The following RORA variants were observed in gnomAD, a reference collection of about 807,000 sequenced individuals.
RORA encodes the protein RAR related orphan receptor A, also known as nuclear receptor ROR-alpha.
Under a neutral mutation model 69.5 loss-of-function variants are expected in RORA, and 7 were observed. That is an observed-to-expected ratio of 0.10 (90% CI 0.06 to 0.19). The LOEUF is 0.19. Ranked by LOEUF, RORA falls within the 10% of genes least tolerant of loss-of-function variation. The pLI is 1.00. For missense variants in RORA, 457 were observed against 663.0 expected (o/e 0.69, Z 3.41); for synonymous variants, 261 against 240.8 (o/e 1.08, Z -0.78).
chr15:61,027,473 A>T (rs9944203), intron 1 of RORA, among the ~76,000 whole-genome samples: 228 of 152,252 alleles, frequency 1.5e-3, no homozygotes, highest in African/African-American at 5.1e-3. Context: ...GTGTCATTTG[A>T]TCCATAACTA....
intron 1 of RORA, among the ~76,000 whole-genome samples, chr15:60,697,082 G>A (rs1420377244): frequency 6.6e-6 from 1 of 152,140 alleles, no homozygotes; most frequent in Non-Finnish European, 1.5e-5. Flanking sequence ...GCAAAAATGC[G>A]GGCCTGGTTT....
intron 1 of RORA, among the ~76,000 whole-genome samples, chr15:61,067,351 G>A (rs1360918188): frequency 4.0e-5 from 6 of 151,756 alleles, no homozygotes; most frequent in Admixed American, 1.3e-4. Flanking sequence ...TGATCCGCCC[G>A]CCTCGGCCTC....
intron 1 of RORA, among the ~76,000 whole-genome samples, chr15:61,210,208 T>A (rs541989040): frequency 4.6e-5 from 7 of 152,300 alleles, no homozygotes; most frequent in Admixed American, 3.9e-4. Flanking sequence ...AAGCTCAGAA[T>A]TGAAGTATAC....
At chr15:60,655,609 G>A (rs1201092375) in intron 2 of RORA, among the ~76,000 whole-genome samples, 8 of 152,154 alleles carry the variant, frequency 5.3e-5, no homozygotes, top group Non-Finnish European at 8.8e-5. Context: ...GTCATTCAGA[G>A]CGTGTGACCC....
rs1164658330 is a variant in RORA at position 61,169,295 on chromosome 15, G to A, written c.166+59758C>T. On this transcript the variant is annotated intron_variant, in intron 1 of 10. Coordinates refer to ENST00000335670, the MANE Select transcript of RORA (RefSeq NM_134261.3). ...TGGAAAAAAAAAAAAAAAGTCTGGCGTCTTTTAAGGCCCTGGCTTGACGTT... is the reference window on the plus strand; with the variant it reads ...TGGAAAAAAAAAAAAAAAGTCTGGCATCTTTTAAGGCCCTGGCTTGACGTT... Among the ~76,000 whole-genome samples, 6 of 151,584 alleles carry A rather than the reference G, an allele frequency of 4.0e-5. No homozygotes were observed. The South Asian group carries it at 8.3e-4, about 21-fold the overall frequency.
intron 1 of RORA, among the ~76,000 whole-genome samples, chr15:61,010,918 A>C (rs949266913): frequency 6.6e-6 from 1 of 152,192 alleles, no homozygotes; most frequent in Non-Finnish European, 1.5e-5. Flanking sequence ...CTGTTATTCC[A>C]AAACTCTCAG....
chr15:61,005,224 A>C (rs1385440439), intron 1 of RORA, among the ~76,000 whole-genome samples: 3 of 152,226 alleles, frequency 2.0e-5, no homozygotes, highest in Admixed American at 1.3e-4. Flanking sequence ...TCATGTCTGT[A>C]ATCTCAGCAC....
At chr15:61,101,006 T>C (rs541448087) in intron 1 of RORA, among the ~76,000 whole-genome samples, 1 of 152,342 alleles carries the variant, frequency 6.6e-6, no homozygotes, top group African/African-American at 2.4e-5. Context: ...AGAATCTCCT[T>C]GAAGATAGAT....
Position 60,978,961 on chromosome 15 carries a change from CTTTTTTTT to C in RORA, c.166+250084_166+250091del, listed in dbSNP as rs543353825. 1.4e-3 allele frequency among the ~76,000 whole-genome samples: 129 copies of C among 95,150 alleles called. 7 individuals are homozygous for C. The highest frequency in any genetic ancestry group is 0.01 in the Middle Eastern group (1 of 98). The allele number at this position is 95,150 out of a possible 152,430, so 62.4% of individuals were successfully genotyped here. A position where few individuals can be genotyped will look rare whatever the true frequency, so the allele number is the denominator to read the frequency against. The stretch of plus-strand genomic sequence containing the variant: ...GAAGTGTGAGTCCTCCAACTTTGCT[CTTTTTTTT>C]TTTTTTTTTTGAGACGGAGTCTTGC... On this transcript the variant is annotated intron_variant, in intron 1 of 10. Transcript: ENST00000335670.
intron 1 of RORA, among the ~76,000 whole-genome samples, chr15:61,178,632 C>T (rs1044858362): frequency 3.3e-5 from 5 of 151,906 alleles, no homozygotes; most frequent in Admixed American, 2.6e-4. Context: ...TAAAATAAAC[C>T]ATCACCCCAA....
At chr15:60,518,125 A>G (rs1312963182) in intron 3 of RORA, among the ~76,000 whole-genome samples, 2 of 152,302 alleles carry the variant, frequency 1.3e-5, no homozygotes, top group East Asian at 1.9e-4. Flanking sequence ...CGGTCCCCCA[A>G]GTAGCTGGGA....
At chr15:60,975,158 G>A (rs1382439939) in intron 1 of RORA, among the ~76,000 whole-genome samples, 1 of 152,222 alleles carries the variant, frequency 6.6e-6, no homozygotes, top group Non-Finnish European at 1.5e-5. Context: ...AAGGGGCCTG[G>A]GCAGGGTGAG....
intron 1 of RORA, among the ~76,000 whole-genome samples, chr15:61,106,756 A>G (rs1595993537): frequency 6.6e-6 from 1 of 152,066 alleles, no homozygotes; most frequent in South Asian, 2.1e-4. Flanking sequence ...ACATCTTTCC[A>G]TCTATTTATA....
At chr15:61,030,317 T>C (rs544817267) in intron 1 of RORA, among the ~76,000 whole-genome samples, 1 of 152,332 alleles carries the variant, frequency 6.6e-6, no homozygotes, top group African/African-American at 2.4e-5. Context: ...CTGATATTGA[T>C]GGTTGTATTA....
intron 1 of RORA, among the ~76,000 whole-genome samples, chr15:60,741,303 CAGGGGCTGCG>C (rs1166243277): frequency 6.6e-6 from 1 of 152,204 alleles, no homozygotes; most frequent in Non-Finnish European, 1.5e-5. Context: ...CTTTACCTTG[CAGGGGCTGCG>C]TGCGCTCCCA....
At chr15:60,666,346 CTTTTTT>C (rs1161494532) in intron 2 of RORA, among the ~76,000 whole-genome samples, 1 of 132,432 alleles carries the variant, frequency 7.6e-6, no homozygotes, top group African/African-American at 2.8e-5. Flanking sequence ...TAATTTCTTT[CTTTTTT>C]TTTTTTTTTT....
intron 3 of RORA, among the ~76,000 whole-genome samples, chr15:60,523,297 T>C (rs894301486): frequency 1.3e-5 from 2 of 152,224 alleles, no homozygotes; most frequent in African/African-American, 4.8e-5. Flanking sequence ...CCAACATTCA[T>C]GTTGGAACTA....
In RORA at chr15:60,968,095, A is replaced by C. The variant is rs563309308; in HGVS notation, c.166+260958T>G. Among the ~76,000 whole-genome samples, 5 of 152,312 alleles carry C rather than the reference A, an allele frequency of 3.3e-5. No homozygotes were observed. The East Asian group carries it at 7.7e-4, about 24-fold the overall frequency. On this transcript the variant is annotated intron_variant, in intron 1 of 10. Transcript: ENST00000335670. Reference sequence around the variant, plus strand: ...ACTTAAGCACCAATAATAAATATGTATTGGTGCTTACGCTATTCCAGAGAC... The same window carrying C: ...ACTTAAGCACCAATAATAAATATGTCTTGGTGCTTACGCTATTCCAGAGAC...
intron 3 of RORA, among the ~76,000 whole-genome samples, chr15:60,515,930 T>C (rs1295847636): frequency 1.2e-4 from 2 of 16,972 alleles, no homozygotes; most frequent in Admixed American, 2.1e-3. Context: ...TATATATTTA[T>C]ATATATATTT....
Sources: gnomAD v4.1 joint callset for allele counts (sites outside exome capture counted in the v4.1 genomes callset) on GRCh38, gnomAD v4.1.1 for gene constraint, MANE v1.5 for transcripts, NCBI Gene and HGNC (gene_info 2026-07-23, HGNC 2026-07-21) for gene names.